TBC1D19: variants seen among roughly 807,000 people sequenced by gnomAD.
TBC1D19 encodes TBC1 domain family member 19, also known as TBC1 domain family, member 19.
Under a neutral mutation model 89.0 loss-of-function variants are expected in TBC1D19, and 60 were observed. The observed-to-expected ratio is 0.67, with a 90% confidence interval of 0.55 to 0.84. The LOEUF (loss-of-function observed/expected upper bound fraction) is 0.84. TBC1D19 is among the 40% of genes least tolerant of loss of function. The pLI, the probability that TBC1D19 is intolerant of heterozygous loss-of-function variation, is 0.00. For synonymous variants in TBC1D19, 189 were observed against 199.7 expected (o/e 0.95, Z 0.45); for missense variants, 500 against 610.8 (o/e 0.82, Z 1.91).
intron 12 of TBC1D19, among the ~76,000 whole-genome samples, chr4:26,687,623 T>C (rs1713925040): frequency 6.6e-6 from 1 of 152,160 alleles, no homozygotes; most frequent in Admixed American, 6.5e-5. Flanking sequence ...AATTTTATCA[T>C]ATTTATTTTT....
intron 18 of TBC1D19, among the ~76,000 whole-genome samples, chr4:26,746,643 C>G (rs775855455): frequency 6.6e-6 from 1 of 152,074 alleles, no homozygotes; most frequent in East Asian, 1.9e-4. Flanking sequence ...TATTCCAAGA[C>G]CCCCAGTGGG....
chr4:26,666,805 C>G (rs981911695), intron 9 of TBC1D19, among the ~76,000 whole-genome samples: 1 of 151,860 alleles, frequency 6.6e-6, no homozygotes, highest in Non-Finnish European at 1.5e-5. Context: ...CTTAATAATC[C>G]AAGCAGTTTT....
rs1480037727 is a variant in TBC1D19, at chr4:26,688,469, T to C, written c.954+62T>C. The C allele has an allele frequency of 5.0e-6, 7 of 1,405,200 alleles. No homozygotes were observed. In the East Asian group the frequency reaches 1.5e-4, roughly 30 times the overall value. The allele number at this position is 1,405,200 out of a possible 1,614,324, so 87.0% of individuals were successfully genotyped here. ...TTAGGTTCTCTATATCATGATACTT[T>C]AGGAGATATCTCTGCTGTTGACTAA... On this transcript the variant is annotated intron_variant, in intron 13 of 20. Coordinates refer to ENST00000264866, the MANE Select transcript of TBC1D19 (RefSeq NM_018317.4).
chr4:26,710,185 C>A (rs923145404), intron 13 of TBC1D19, among the ~76,000 whole-genome samples: 1 of 152,090 alleles, frequency 6.6e-6, no homozygotes, highest in Non-Finnish European at 1.5e-5. Context: ...TCCCCTCTCC[C>A]CCAACCCCAC....
At chr4:26,763,440 T>C in the TBC1D19 span, among the ~76,000 whole-genome samples, 1 of 152,222 alleles carries the variant, frequency 6.6e-6, no homozygotes, top group Admixed American at 6.5e-5. Context: ...AAACATTCTA[T>C]TGATCCCAGG....
At chr4:26,618,437 GA>G (rs1411144150) in intron 3 of TBC1D19, among the ~76,000 whole-genome samples, 2 of 152,230 alleles carry the variant, frequency 1.3e-5, no homozygotes, top group Middle Eastern at 3.4e-3. Context: ...TTTAGAAATG[GA>G]AAAGAGTGTG....
the TBC1D19 span, among the ~76,000 whole-genome samples, chr4:26,845,617 T>G: frequency 6.6e-6 from 1 of 152,220 alleles, no homozygotes; most frequent in Non-Finnish European, 1.5e-5. Flanking sequence ...ATTGTATTAG[T>G]CTTTTCTCAT....
chr4:26,721,637 GTT>G (rs1275008373), intron 15 of TBC1D19, among the ~76,000 whole-genome samples: 1 of 152,094 alleles, frequency 6.6e-6, no homozygotes, highest in Non-Finnish European at 1.5e-5. Context: ...TTCTCAAAGT[GTT>G]CTTAATGGCT....
chr4:26,662,049 G>A (rs1745252849), intron 8 of TBC1D19, among the ~76,000 whole-genome samples: 1 of 152,096 alleles, frequency 6.6e-6, no homozygotes, highest in Non-Finnish European at 1.5e-5. Context: ...TACCAGTCAA[G>A]GATCGTATGT....
chr4:26,606,439 C>G (rs1283811900), intron 1 of TBC1D19, among the ~76,000 whole-genome samples: 1 of 152,126 alleles, frequency 6.6e-6, no homozygotes, highest in Non-Finnish European at 1.5e-5. Flanking sequence ...ATAGGAAGCT[C>G]TCTCACAGAA....
chr4:26,691,521 C>A (rs537625204), intron 13 of TBC1D19, among the ~76,000 whole-genome samples: 1 of 152,294 alleles, frequency 6.6e-6, no homozygotes, highest in African/African-American at 2.4e-5. Context: ...AGCAGCCATA[C>A]ACATTGAAGC....
At chr4:26,590,254 T>G (rs1470827383) in intron 1 of TBC1D19, among the ~76,000 whole-genome samples, 2 of 152,220 alleles carry the variant, frequency 1.3e-5, no homozygotes, top group African/African-American at 4.8e-5. Context: ...GGGTTCAGAA[T>G]GTATGATTTT....
intron 7 of TBC1D19, among the ~76,000 whole-genome samples, chr4:26,645,486 C>T (rs1442547320): frequency 2.0e-5 from 3 of 152,204 alleles, no homozygotes; most frequent in African/African-American, 7.2e-5. Context: ...CTTCCTTACA[C>T]CTTATACAAA....
chr4:26,625,453 C>G (rs946730088), intron 4 of TBC1D19, among the ~76,000 whole-genome samples: 1 of 152,106 alleles, frequency 6.6e-6, no homozygotes, highest in Non-Finnish European at 1.5e-5. Flanking sequence ...TTATTAGCAT[C>G]TTAACATTAG....
At chr4:26,686,431 A>G (rs866903553) in intron 12 of TBC1D19, among the ~76,000 whole-genome samples, 2 of 151,918 alleles carry the variant, frequency 1.3e-5, no homozygotes, top group Middle Eastern at 6.8e-3. Flanking sequence ...TTTTTTTTTA[A>G]CAAACTTGCC....
chr4:26,760,232 C>T (rs1719410430), downstream of TBC1D19, among the ~76,000 whole-genome samples: 1 of 152,104 alleles, frequency 6.6e-6, no homozygotes, highest in African/African-American at 2.4e-5. Flanking sequence ...TGTAAAGTAT[C>T]TGTTCAAATC....
chr4:26,598,371 T>C (rs1577773136), intron 1 of TBC1D19, among the ~76,000 whole-genome samples: 2 of 151,790 alleles, frequency 1.3e-5, no homozygotes, highest in Admixed American at 1.3e-4. Flanking sequence ...ATTTTTACAC[T>C]ATGTATGATA....
At chr4:26,800,770 T>C in the TBC1D19 span, among the ~76,000 whole-genome samples, 1 of 152,340 alleles carries the variant, frequency 6.6e-6, no homozygotes, top group Admixed American at 6.5e-5. Context: ...TGATGAGCAT[T>C]TTTTTCATGT....
chr4:26,788,639 A>C, the TBC1D19 span, among the ~76,000 whole-genome samples: 1 of 152,216 alleles, frequency 6.6e-6, no homozygotes. Flanking sequence ...ACCTACAATA[A>C]GCAATCTGCT....
Sources: allele counts gnomAD v4.1 joint callset (sites outside exome capture counted in the v4.1 genomes callset), GRCh38; gene constraint gnomAD v4.1.1; transcripts MANE v1.5; gene names NCBI Gene and HGNC (gene_info 2026-07-23, HGNC 2026-07-21).